DACT3: variants seen among roughly 807,000 people sequenced by gnomAD.
The protein encoded by DACT3 is dishevelled binding antagonist of beta catenin 3, also known as dapper homolog 3.
DACT3 carries 5 observed loss-of-function variants against 19.6 expected under a neutral mutation model. The observed-to-expected ratio is 0.26, with a 90% CI of 0.13 to 0.54. The LOEUF (loss-of-function observed/expected upper bound fraction) is 0.54. Among genes scored for constraint, DACT3 ranks in the 20% least tolerant of loss-of-function variants. The pLI is 0.95. For missense variants in DACT3, 908 were observed against 927.4 expected (o/e 0.98, Z 0.27); for synonymous variants, 454 against 428.1 (o/e 1.06, Z -0.75).
intron 3 of DACT3, chr19:46,650,834 C>G (rs2052977118): frequency 6.6e-6 from 1 of 152,034 alleles, no homozygotes; most frequent in Admixed American, 6.6e-5. Context: ...CCGGAATGCT[C>G]TTCCTTCTGG....
chr19:46,657,168 G>A (rs1343778626), intron 1 of DACT3, among the ~76,000 whole-genome samples: 1 of 152,010 alleles, frequency 6.6e-6, no homozygotes, highest in South Asian at 2.1e-4. Context: ...GAGGGGACTG[G>A]ATGGTGGAAG....
chr19:46,649,065 G>C lies in DACT3; in HGVS notation c.1307C>G (p.Ala436Gly). ...SETSLLGRASAVPSGPPKYPT... is the reference protein window; with the variant it reads ...SETSLLGRASGVPSGPPKYPT... Reference sequence around the variant, plus strand: ...GTACTTAGGGGGCCCCGAAGGGACCGCGGAGGCGCGGCCCAGCAGGCTGGT... The same window carrying C: ...GTACTTAGGGGGCCCCGAAGGGACCCCGGAGGCGCGGCCCAGCAGGCTGGT... Residue 436 changes from alanine (A) to glycine (G), a missense_variant, in exon 4 of 4, where the codon GCG becomes GGG. Ala to Gly is a moderately conservative substitution (Grantham distance 60). Transcript: ENST00000391916. 1 of 1,291,346 alleles carries C rather than the reference G, an allele frequency of 7.7e-7. No homozygotes were observed. The highest frequency in any genetic ancestry group is 9.8e-7 in the Non-Finnish European group (1 of 1,021,992). The allele number at this position is 1,291,346 out of a possible 1,614,324, so 80.0% of individuals were successfully genotyped here.
In DACT3 at chr19:46,648,958, AC is replaced by A; in HGVS notation, c.1413del (p.Ser472ProfsTer132). The A allele has an allele frequency of 7.6e-7, 1 of 1,308,466 alleles. No homozygotes were observed. Among genetic ancestry groups the A allele is most frequent in the Non-Finnish European group, 9.7e-7 (1 of 1,032,384 alleles). 81.1% of individuals were successfully genotyped at this position (1,308,466 alleles called of 1,614,324 possible). A position where few individuals can be genotyped will look rare whatever the true frequency, so the allele number is the denominator to read the frequency against. Reference sequence around the variant, plus strand: ...GCAGTGGAGCGCCAGCGACGGCAGGACCCTGCGGCCTGGGCCGCCAGCGTGG... The same window carrying A: ...GCAGTGGAGCGCCAGCGACGGCAGGACCTGCGGCCTGGGCCGCCAGCGTGG... ...PAPTLAAQAA[G>X]SCRRWRSTAE... On this transcript the variant is annotated frameshift_variant, in exon 4 of 4. Coordinates refer to ENST00000391916, the MANE Select transcript of DACT3 (RefSeq NM_145056.3). LOFTEE classifies it low-confidence loss of function (END_TRUNC). The surrounding 1 kb of genome is among the most constrained non-coding windows in gnomAD (Gnocchi z 5.1).
chr19:46,649,887 C>CAA lies in DACT3; in HGVS notation c.500-16_500-15insTT. ...ACTGGCGTCTCCTAGGGAAGGAAGG[C>CAA]CAAAAAAAAAAAAAAAAGAGAGAGT... On this transcript the variant is annotated splice_polypyrimidine_tract_variant and intron_variant, in intron 3 of 3. Transcript: ENST00000391916. The CAA allele has an allele frequency of 8.1e-7, 1 of 1,240,518 alleles. No homozygotes were observed. The highest frequency in any genetic ancestry group is 9.9e-7 in the Non-Finnish European group (1 of 1,011,518). The allele number at this position is 1,240,518 out of a possible 1,614,324, so 76.8% of individuals were successfully genotyped here.
chr19:46,652,638 G>T (rs1314732670), intron 3 of DACT3, 22 bp downstream of exon 3: 4 of 1,548,702 alleles, frequency 2.6e-6, no homozygotes, highest in East Asian at 2.4e-5. Flanking sequence ...TGGCCCCAGG[G>T]CCCCACCCTC....
intron 1 of DACT3, 63 bp from the exon 2 acceptor site, chr19:46,653,138 A>T: frequency 6.5e-7 from 1 of 1,537,416 alleles, no homozygotes; most frequent in Non-Finnish European, 8.7e-7. Context: ...CTGGTCCCCT[A>T]TTCCACGAGC....
Position 46,648,725 on chromosome 19 carries a change from T to C in DACT3, c.1647A>G (p.Glu549=). Residue 549 remains glutamate (E), a synonymous_variant, in exon 4 of 4, where the codon GAA becomes GAG. Coordinates refer to ENST00000391916, the MANE Select transcript of DACT3 (RefSeq NM_145056.3). This position sits in a 1 kb window ranked among gnomAD's most constrained non-coding sequence, Gnocchi z 5.1. The part of the protein sequence containing the change: ...GGVGGGYGES[E]SSASEGESPA... ...GCGATTCTCCCTCGCTGGCGCTCGA[T>C]TCGCTCTCCCCGTAACCCCCGCCGA... 1 of 1,603,484 alleles carries C rather than the reference T, an allele frequency of 6.2e-7. No individual in the cohort carries two copies. The highest frequency in any genetic ancestry group is 1.1e-5 in the South Asian group (1 of 90,966).
intron 1 of DACT3, among the ~76,000 whole-genome samples, chr19:46,658,065 C>T (rs1161517463): frequency 1.3e-5 from 2 of 151,836 alleles, no homozygotes; most frequent in African/African-American, 4.8e-5. Flanking sequence ...TGCACTCTGG[C>T]CTGGGTGACA....
At chr19:46,659,023 T>C (rs2053053143) in intron 1 of DACT3, 1 of 918,992 alleles carries the variant, frequency 1.1e-6, no homozygotes, top group South Asian at 5.0e-5. Context: ...TTTCTTGCCT[T>C]GAAGGAAGTG....
At chr19:46,657,195 C>T (rs895035790) in intron 1 of DACT3, among the ~76,000 whole-genome samples, 4 of 151,930 alleles carry the variant, frequency 2.6e-5, no homozygotes, top group African/African-American at 4.8e-5. Flanking sequence ...TTTAAGGAGG[C>T]GTGACTTGGC....
Position 46,647,556 on chromosome 19 carries a change from G to T in DACT3, c.*926C>A, listed in dbSNP as rs895584519. 5 of 152,324 alleles carry T rather than the reference G, an allele frequency of 3.3e-5. No homozygotes were observed. Among genetic ancestry groups the T allele is most frequent in the Admixed American group, 6.6e-5 (1 of 15,264 alleles). 9.4% of individuals were successfully genotyped at this position (152,324 alleles called of 1,614,324 possible). A position where few individuals can be genotyped will look rare whatever the true frequency, so the allele number is the denominator to read the frequency against. On this transcript the variant is annotated 3_prime_UTR_variant, in exon 4 of 4. Coordinates refer to ENST00000391916, the MANE Select transcript of DACT3 (RefSeq NM_145056.3). ...AACAGAAGTTGCTCAATAAATGTTA[G>T]TCCAAAGGAAAAAGAGCATTTCTCC...
At chr19:46,653,168 T>G in intron 1 of DACT3, 93 bp from the exon 2 acceptor site, 1 of 1,502,826 alleles carries the variant, frequency 6.7e-7, no homozygotes, top group Non-Finnish European at 8.9e-7. Flanking sequence ...GAGTTTCACT[T>G]TGACAATGAG....
rs538195392 is a variant in DACT3 at position 46,652,480 on chromosome 19, T to C, written c.499+180A>G. On this transcript the variant is annotated intron_variant, in intron 3 of 3. Coordinates refer to ENST00000391916, the MANE Select transcript of DACT3 (RefSeq NM_145056.3). ...AGGCGTGAGCCACCGCACCCAGCCA[T>C]ATTTCATTTTAACAGATGGAAAAAC... is the stretch of plus-strand genomic sequence containing the variant. 4.2e-6 allele frequency: 3 copies of C among 717,532 alleles called. No homozygotes were observed. In the East Asian group the frequency reaches 8.3e-5, roughly 20 times the overall value. The allele number at this position is 717,532 out of a possible 1,614,324, so 44.4% of individuals were successfully genotyped here.
rs781689141 is a variant in DACT3 at position 46,660,909 on chromosome 19, C to G, written c.156G>C (p.Met52Ile). Residue 52 changes from methionine to isoleucine, a missense_variant, in exon 1 of 4, where the codon ATG becomes ATC. Physicochemically the swap from Met to Ile is conservative, Grantham distance 10 (BLOSUM62 1). Around this residue, in one of 2 missense-constraint regions of DACT3, gnomAD observed 252 missense variants for 325.6 expected, o/e 0.77. Coordinates refer to ENST00000391916, the MANE Select transcript of DACT3 (RefSeq NM_145056.3). This position sits in a 1 kb window ranked among gnomAD's most constrained non-coding sequence, Gnocchi z 4.9. ...CCTCGTCCTCGGCCTCGGCGCCCCC[C>G]ATTCCGGGCTGGGCCAGCCGCAGCG... ...QQALRLAQPG[M>I]GGAEAEDEED... is the part of the protein sequence containing the mutation. 47 of 1,538,174 alleles carry G rather than the reference C, an allele frequency of 3.1e-5. No homozygotes were observed. The South Asian group carries it at 5.1e-4, about 17-fold the overall frequency.
At chr19:46,654,093 C>T in intron 1 of DACT3, 1 of 985,402 alleles carries the variant, frequency 1.0e-6, no homozygotes, top group Non-Finnish European at 1.2e-6. Context: ...GCCATCCCAG[C>T]ACGTTCCTTT....
At chr19:46,650,985 C>T (rs1053294425) in intron 3 of DACT3, 7 of 152,116 alleles carry the variant, frequency 4.6e-5, no homozygotes, top group African/African-American at 1.7e-4. Flanking sequence ...TCCCTTTCCC[C>T]GGCTTATTTC....
Position 46,649,856 on chromosome 19 carries a change from G to C in DACT3, c.516C>G (p.Ser172Arg). The C allele has an allele frequency of 7.1e-7, 1 of 1,406,342 alleles. No homozygotes were observed. Among genetic ancestry groups the C allele is most frequent in the Non-Finnish European group, 9.2e-7 (1 of 1,086,198 alleles). The allele number at this position is 1,406,342 out of a possible 1,614,324, so 87.1% of individuals were successfully genotyped here. The stretch of plus-strand genomic sequence containing the variant: ...CCCGCGCGCCCACCACCTCCGGAGC[G>C]CTGGGACTGGCGTCTCCTAGGGAAG... ...RPKSLGDASP[S>R]APEVVGARAA... Residue 172 changes from serine to arginine, a missense_variant, in exon 4 of 4, where the codon AGC (serine) becomes AGG (arginine). Around this residue, in one of 2 missense-constraint regions of DACT3, gnomAD observed 252 missense variants for 325.6 expected, o/e 0.77. Transcript: ENST00000391916.
At position 46,653,028 on chromosome 19, in the gene DACT3, G is replaced by C; in HGVS notation, c.297C>G (p.Asp99Glu). Residue 99 changes from aspartate (D) to glutamate (E), a missense_variant, in exon 2 of 4, where the codon GAC (aspartate) becomes GAG (glutamate). Coordinates refer to ENST00000391916, the MANE Select transcript of DACT3 (RefSeq NM_145056.3). The part of the protein sequence containing the change: ...LVWDLGQQLG[D>E]LSLESGGLEQ... ...CCAGGCCCCCAGACTCCAGGCTCAG[G>C]TCTCCCAGCTGCTGTCCCAGGTCCC... The C allele has an allele frequency of 1.9e-6, 3 of 1,551,504 alleles. No individual in the cohort carries two copies. The highest frequency in any genetic ancestry group is 2.6e-6 in the Non-Finnish European group (3 of 1,146,974).
Position 46,649,179 on chromosome 19 carries a change from CG to C in DACT3, c.1192del (p.Arg398GlyfsTer206). ...VEQSPPRERP[R>X]AAGRRGRMAE... is the part of the protein sequence containing the mutation. ...CATGCGTCCACGGCGGCCGGCGGCCCGGGGACGCTCCCGGGGTGGTGACTGC... is the reference window on the plus strand; with the variant it reads ...CATGCGTCCACGGCGGCCGGCGGCCCGGGACGCTCCCGGGGTGGTGACTGC... On this transcript the variant is annotated frameshift_variant, in exon 4 of 4. Coordinates refer to ENST00000391916, the MANE Select transcript of DACT3 (RefSeq NM_145056.3). LOFTEE classifies it low-confidence loss of function (END_TRUNC). The C allele has an allele frequency of 2.5e-6, 3 of 1,213,588 alleles. No individual in the cohort carries two copies. Among genetic ancestry groups the C allele is most frequent in the South Asian group, 3.3e-5 (1 of 30,554 alleles). 75.2% of individuals were successfully genotyped at this position (1,213,588 alleles called of 1,614,324 possible).
Sources: gnomAD v4.1 joint callset for allele counts (sites outside exome capture counted in the v4.1 genomes callset) on GRCh38, gnomAD v4.1.1 for gene constraint, gnomAD v4.1.1 regional missense constraint, Gnocchi (gnomAD v3.1) non-coding constraint, MANE v1.5 for transcripts, NCBI Gene and HGNC (gene_info 2026-07-23, HGNC 2026-07-21) for gene names.